The following RARB variants were observed in gnomAD, a reference collection of about 807,000 sequenced individuals.
RARB encodes retinoic acid receptor beta.
In RARB, 17 loss-of-function variants were observed where a neutral mutation model predicts 51.9. The observed-to-expected ratio is 0.33, with a 90% CI of 0.22 to 0.49. The LOEUF is 0.49. RARB is among the 20% of genes least tolerant of loss of function. The pLI, the probability that RARB is intolerant of heterozygous loss-of-function variation, is 0.99. For missense variants in RARB, 369 were observed against 550.8 expected (o/e 0.67, Z 3.30); for synonymous variants, 215 against 195.4 (o/e 1.10, Z -0.84).
chr3:25,317,048 ATAAC>A (rs1000188980), intron 5 of RARB, among the ~76,000 whole-genome samples: 2 of 70,366 alleles, frequency 2.8e-5, no homozygotes, highest in South Asian at 5.8e-4. Flanking sequence ...GGGAAATCTT[ATAAC>A]TAACTGTTAA....
At chr3:24,949,259 GA>G in intron 2 of RARB, among the ~76,000 whole-genome samples, 1 of 152,262 alleles carries the variant, frequency 6.6e-6, no homozygotes, top group East Asian at 1.9e-4. Flanking sequence ...TTGCAGATGG[GA>G]AAAAGTGTAA....
rs201353628 is a variant in RARB at position 24,888,577 on chromosome 3, C to CT, written c.-380+29831dup. ...AGTAATGTGATATTTAACACCCAAG[C>CT]TTTTTTAAAAAAAAATCTGTAAAAC... On this transcript the variant is annotated intron_variant, in intron 2 of 11. Transcript: ENST00000383772. Among the ~76,000 whole-genome samples, 46 of 151,322 alleles carry CT rather than the reference C, an allele frequency of 3.0e-4. 1 individual carries two copies. The East Asian group carries it at 9.1e-3, about 30-fold the overall frequency.
chr3:24,986,911 C>T (rs915025296), intron 2 of RARB, among the ~76,000 whole-genome samples: 2 of 152,002 alleles, frequency 1.3e-5, no homozygotes, highest in African/African-American at 4.8e-5. Flanking sequence ...TCAGCTGGGC[C>T]AAAGAAGCTA....
chr3:24,943,941 G>A (rs1408792561), intron 2 of RARB, among the ~76,000 whole-genome samples: 1 of 152,018 alleles, frequency 6.6e-6, no homozygotes, highest in Admixed American at 6.6e-5. Flanking sequence ...AAGTGAGGAG[G>A]GGAAAAAGAA....
At chr3:24,987,070 C>A (rs1163879805) in intron 2 of RARB, among the ~76,000 whole-genome samples, 3 of 152,138 alleles carry the variant, frequency 2.0e-5, no homozygotes, top group Non-Finnish European at 2.9e-5. Flanking sequence ...TTAATCACTT[C>A]GCTTTTGGTG....
chr3:25,042,201 G>A (rs914320078), intron 2 of RARB, among the ~76,000 whole-genome samples: 11 of 152,258 alleles, frequency 7.2e-5, no homozygotes, highest in South Asian at 4.2e-4. Flanking sequence ...ATTGTAAACC[G>A]TAGCTATTTT....
At chr3:25,511,793 C>T (rs1249319070) in intron 3 of RARB, among the ~76,000 whole-genome samples, 1 of 152,182 alleles carries the variant, frequency 6.6e-6, no homozygotes, top group Non-Finnish European at 1.5e-5. Context: ...ATGCTGAACT[C>T]TGTGCACAAC....
intron 2 of RARB, among the ~76,000 whole-genome samples, chr3:25,463,425 G>C (rs937623591): frequency 3.3e-5 from 5 of 152,086 alleles, no homozygotes; most frequent in African/African-American, 1.2e-4. Flanking sequence ...AGCACTTTGG[G>C]AGGTCAAGGC....
intron 5 of RARB, among the ~76,000 whole-genome samples, chr3:25,186,015 G>A (rs1392069325): frequency 6.6e-6 from 1 of 151,862 alleles, no homozygotes; most frequent in East Asian, 1.9e-4. Context: ...ATTATGGAAT[G>A]GAAAAAGAAC....
chr3:25,353,190 A>T (rs897825738), intron 5 of RARB, among the ~76,000 whole-genome samples: 2 of 152,170 alleles, frequency 1.3e-5, no homozygotes, highest in Non-Finnish European at 2.9e-5. Context: ...TAGTTGTCTC[A>T]TCACCTCTTT....
intron 3 of RARB, among the ~76,000 whole-genome samples, chr3:25,536,505 G>A (rs879287660): frequency 1.3e-5 from 2 of 152,210 alleles, no homozygotes; most frequent in African/African-American, 2.4e-5. Flanking sequence ...AAATGGAATT[G>A]AGACACTTGA....
intron 2 of RARB, among the ~76,000 whole-genome samples, chr3:24,897,291 G>A (rs1488161492): frequency 6.6e-6 from 1 of 152,074 alleles, no homozygotes; most frequent in Non-Finnish European, 1.5e-5. Flanking sequence ...TAAATATAAG[G>A]AGTAAAACGC....
chr3:25,144,786 G>A (rs768596449), intron 4 of RARB, among the ~76,000 whole-genome samples: 9 of 152,206 alleles, frequency 5.9e-5, no homozygotes, highest in Admixed American at 1.3e-4. Flanking sequence ...ATAGGAGCAT[G>A]TGATCAGCCC....
intron 5 of RARB, among the ~76,000 whole-genome samples, chr3:25,331,181 A>G (rs6788260): frequency 0.23 from 34,981 of 152,038 alleles, 4,606 homozygotes; most frequent in African/African-American, 0.37. Flanking sequence ...AGACCTAATA[A>G]ACATCTACAG....
intron 5 of RARB, among the ~76,000 whole-genome samples, chr3:25,372,176 T>C (rs1706319826): frequency 1.3e-5 from 2 of 152,224 alleles, no homozygotes; most frequent in Non-Finnish European, 2.9e-5. Flanking sequence ...GAGCATGACA[T>C]GGTCAGATTT....
chr3:24,990,965 C>G (rs1386067746), intron 2 of RARB, among the ~76,000 whole-genome samples: 1 of 152,140 alleles, frequency 6.6e-6, no homozygotes, highest in Non-Finnish European at 1.5e-5. Context: ...TATTTCATGG[C>G]TCTTGTTGCT....
intron 1 of RARB, among the ~76,000 whole-genome samples, chr3:24,832,438 T>C (rs1001981847): frequency 1.3e-5 from 2 of 151,856 alleles, no homozygotes; most frequent in African/African-American, 4.8e-5. Flanking sequence ...TTCATTACAG[T>C]GGAGCCTGGT....
intron 2 of RARB, among the ~76,000 whole-genome samples, chr3:24,964,392 T>G (rs1282931876): frequency 2.6e-5 from 4 of 152,216 alleles, no homozygotes; most frequent in African/African-American, 9.6e-5. Flanking sequence ...GCATTAGCTT[T>G]GCAATACTGT....
chr3:25,308,026 C>G (rs1375530838), intron 5 of RARB, among the ~76,000 whole-genome samples: 2 of 152,076 alleles, frequency 1.3e-5, no homozygotes, highest in African/African-American at 4.8e-5. Flanking sequence ...CAATCCCTGC[C>G]CTGTAGGATT....
Sources: gnomAD v4.1 joint callset for allele counts (sites outside exome capture counted in the v4.1 genomes callset) on GRCh38, gnomAD v4.1.1 for gene constraint, MANE v1.5 for transcripts, NCBI Gene and HGNC (gene_info 2026-07-23, HGNC 2026-07-21) for gene names.